The following LRRC4C variants were observed in gnomAD, a reference collection of about 807,000 sequenced individuals.
LRRC4C encodes leucine rich repeat containing 4C, also known as leucine-rich repeat-containing protein 4C.
In LRRC4C, 5 loss-of-function variants were observed where a neutral mutation model predicts 33.6. The ratio of observed to expected loss-of-function variants is 0.15; its 90% confidence interval spans 0.08 to 0.31. The LOEUF is 0.31. Among genes scored for constraint, LRRC4C ranks in the 10% least tolerant of loss-of-function variants. The pLI is 1.00. For missense variants in LRRC4C, 560 were observed against 796.7 expected, an observed-to-expected ratio of 0.70 and a Z score of 3.58; for synonymous variants, 329 against 302.0, an observed-to-expected ratio of 1.09 and a Z score of -0.93.
intron 3 of LRRC4C, among the ~76,000 whole-genome samples, chr11:40,633,760 C>A (rs1963719072): frequency 6.6e-6 from 1 of 151,898 alleles, no homozygotes. Flanking sequence ...CAGAAATAGG[C>A]CAATAATGTA....
At chr11:40,269,611 CTAA>C (rs545244694) in intron 4 of LRRC4C, among the ~76,000 whole-genome samples, 196 of 152,234 alleles carry the variant, frequency 1.3e-3, no homozygotes, top group Non-Finnish European at 2.4e-3. Flanking sequence ...CAAAATTAAA[CTAA>C]TAAGATTCCA....
chr11:40,751,081 A>G (rs1304215536), intron 2 of LRRC4C, among the ~76,000 whole-genome samples: 3 of 142,036 alleles, frequency 2.1e-5, no homozygotes, highest in African/African-American at 7.6e-5. Context: ...TTTATGAAAA[A>G]AAAGAATCTT....
intron 1 of LRRC4C, among the ~76,000 whole-genome samples, chr11:41,427,220 C>T (rs537159997): frequency 1.3e-4 from 19 of 151,804 alleles, no homozygotes; most frequent in Non-Finnish European, 2.5e-4. Context: ...TCTTAGAGTT[C>T]TGGAAGTTTA....
chr11:40,229,114 T>C (rs1359316743), intron 5 of LRRC4C, among the ~76,000 whole-genome samples: 1 of 152,114 alleles, frequency 6.6e-6, no homozygotes, highest in African/African-American at 2.4e-5. Context: ...TCAAAGCAAA[T>C]TTAATCTTCT....
At chr11:40,547,158 C>T (rs958597720) in intron 3 of LRRC4C, among the ~76,000 whole-genome samples, 1 of 152,108 alleles carries the variant, frequency 6.6e-6, no homozygotes, top group African/African-American at 2.4e-5. Flanking sequence ...AGGGCCATAT[C>T]AGCCAACAAT....
At chr11:41,109,056 G>C (rs972464192) in intron 1 of LRRC4C, among the ~76,000 whole-genome samples, 3 of 151,914 alleles carry the variant, frequency 2.0e-5, no homozygotes, top group South Asian at 4.1e-4. Context: ...AATTGTATTA[G>C]TTTCTGATAA....
intron 2 of LRRC4C, among the ~76,000 whole-genome samples, chr11:40,711,671 C>A (rs1295360495): frequency 6.7e-6 from 1 of 149,264 alleles, no homozygotes; most frequent in Non-Finnish European, 1.5e-5. Flanking sequence ...GAATAAAGAA[C>A]CAGAGAAATC....
intron 1 of LRRC4C, among the ~76,000 whole-genome samples, chr11:41,117,743 G>GA (rs1198899340): frequency 2.6e-5 from 4 of 151,880 alleles, no homozygotes; most frequent in Admixed American, 2.0e-4. Context: ...TATTATAATT[G>GA]AAAAAATGAA....
chr11:41,236,214 T>G (rs1221168589), intron 1 of LRRC4C, among the ~76,000 whole-genome samples: 2 of 152,238 alleles, frequency 1.3e-5, no homozygotes, highest in African/African-American at 4.8e-5. Flanking sequence ...GTATAGAAGC[T>G]CTGAACTAAG....
intron 3 of LRRC4C, among the ~76,000 whole-genome samples, chr11:40,429,736 G>A (rs1190868500): frequency 3.9e-5 from 6 of 152,040 alleles, no homozygotes; most frequent in South Asian, 4.2e-4. Flanking sequence ...AAATTTTAAA[G>A]ATAAGAAAAA....
At chr11:40,354,296 T>C (rs1947555224) in intron 3 of LRRC4C, among the ~76,000 whole-genome samples, 1 of 152,024 alleles carries the variant, frequency 6.6e-6, no homozygotes, top group African/African-American at 2.4e-5. Context: ...CCACTGAGAC[T>C]GCACTGGGTT....
intron 1 of LRRC4C, among the ~76,000 whole-genome samples, chr11:41,214,884 T>C (rs1946986739): frequency 6.8e-6 from 1 of 147,488 alleles, no homozygotes; most frequent in South Asian, 2.1e-4. Flanking sequence ...AGCTAAAATA[T>C]ACTCTGAAGT....
intron 1 of LRRC4C, among the ~76,000 whole-genome samples, chr11:41,172,135 G>A (rs1019835800): frequency 9.2e-5 from 14 of 152,070 alleles, no homozygotes; most frequent in Non-Finnish European, 1.6e-4. Context: ...GGGAGAACTG[G>A]CTGACAGACT....
At chr11:40,467,799 A>G (rs1041015059) in intron 3 of LRRC4C, among the ~76,000 whole-genome samples, 3 of 152,222 alleles carry the variant, frequency 2.0e-5, no homozygotes, top group African/African-American at 7.2e-5. Flanking sequence ...CAGAGGCAAG[A>G]GAAAAGCTAG....
intron 2 of LRRC4C, among the ~76,000 whole-genome samples, chr11:40,766,765 A>G (rs369158335): frequency 6.6e-6 from 1 of 152,224 alleles, no homozygotes; most frequent in African/African-American, 2.4e-5. Flanking sequence ...AATTCAAATA[A>G]AAAACCTACA....
At chr11:41,107,984 AGAG>A (rs1941611544) in intron 1 of LRRC4C, among the ~76,000 whole-genome samples, 1 of 150,974 alleles carries the variant, frequency 6.6e-6, no homozygotes, top group South Asian at 2.1e-4. Flanking sequence ...GGGAGAGGGG[AGAG>A]GGGAGAGGGG....
intron 1 of LRRC4C, among the ~76,000 whole-genome samples, chr11:41,043,068 C>CT (rs67605827): frequency 0.025 from 1,921 of 75,818 alleles, 45 homozygotes; most frequent in African/African-American, 0.051. Context: ...CAGAATAGAC[C>CT]TTTTTTTTTT....
At chr11:40,270,505 T>C (rs1942612272) in intron 4 of LRRC4C, among the ~76,000 whole-genome samples, 1 of 152,132 alleles carries the variant, frequency 6.6e-6, no homozygotes, top group Admixed American at 6.5e-5. Context: ...TCTGTAAATA[T>C]GCTCAGGTTT....
At chr11:40,288,433 T>C (rs1431999975) in intron 4 of LRRC4C, among the ~76,000 whole-genome samples, 1 of 152,214 alleles carries the variant, frequency 6.6e-6, no homozygotes, top group Non-Finnish European at 1.5e-5. Flanking sequence ...CAAGCCTAAC[T>C]GTACTATTAT....
Sources: gnomAD v4.1 joint callset for allele counts (sites outside exome capture counted in the v4.1 genomes callset) on GRCh38, gnomAD v4.1.1 for gene constraint, MANE v1.5 for transcripts, NCBI Gene and HGNC (gene_info 2026-07-23, HGNC 2026-07-21) for gene names.